CYP24A1: variants seen among roughly 807,000 people sequenced by gnomAD.
CYP24A1 encodes cytochrome P450 family 24 subfamily A member 1.
CYP24A1 carries 68 observed loss-of-function variants against 62.4 expected under a neutral mutation model. That is an observed-to-expected ratio of 1.09 (90% CI 0.90 to 1.33). The LOEUF is 1.33. Ranked by LOEUF, CYP24A1 falls within the 40% of genes most tolerant of loss-of-function variation. The probability of loss-of-function intolerance (pLI) is 0.00; values close to 1 mark genes in which losing one functional copy is unlikely to be tolerated. For missense variants in CYP24A1, 787 were observed against 653.0 expected, an observed-to-expected ratio of 1.21 and a Z score of -2.24; for synonymous variants, 267 against 253.0, an observed-to-expected ratio of 1.06 and a Z score of -0.52.
In CYP24A1 at chr20:54,173,288, G is replaced by T; in HGVS notation, c.258+34C>A. The T allele has an allele frequency of 6.3e-7, 1 of 1,591,448 alleles. No individual in the cohort carries two copies. On this transcript the variant is annotated intron_variant, in intron 1 of 11. Coordinates refer to ENST00000216862, the MANE Select transcript of CYP24A1 (RefSeq NM_000782.5). This position sits in a 1 kb window ranked among gnomAD's most constrained non-coding sequence, Gnocchi z 7.2. ...AGCGCCACTGGGAGGGCGGAAGAGG[G>T]AGGAGAGAGTCAGGGGCGCGAAAAG...
rs1481006239 is a variant in CYP24A1, at chr20:54,172,945, C to T, written c.413G>A (p.Arg138His). ...RLEIKPWKAY[R>H]DYRKEGYGLL... ...CCCGTAGCCTTCTTTGCGGTAGTCGCGATAGGCCTTCCACGGTTTGATCTC... is the reference window on the plus strand; with the variant it reads ...CCCGTAGCCTTCTTTGCGGTAGTCGTGATAGGCCTTCCACGGTTTGATCTC... The change falls in exon 2 of 12, where the codon CGC becomes CAC. Residue 138 changes from arginine (R) to histidine (H), a missense_variant. Transcript: ENST00000216862. 2 of 1,613,782 alleles carry T rather than the reference C, an allele frequency of 1.2e-6. No homozygotes were observed. The highest frequency in any genetic ancestry group is 2.2e-5 in the East Asian group (1 of 44,872).
chr20:54,155,482 C>T (rs983587624), intron 11 of CYP24A1, among the ~76,000 whole-genome samples: 1 of 151,976 alleles, frequency 6.6e-6, no homozygotes. Flanking sequence ...ACTTGCAATC[C>T]CAGCACTTTG....
chr20:54,162,544 A>ACCGTGGTG, intron 7 of CYP24A1, 173 bp downstream of exon 7: 1 of 460,550 alleles, frequency 2.2e-6, no homozygotes, highest in Non-Finnish European at 3.8e-6. Context: ...GCACCGTGGC[A>ACCGTGGTG]TAGATGCTGT....
intron 8 of CYP24A1, among the ~76,000 whole-genome samples, chr20:54,158,455 C>T (rs1197011529): frequency 6.6e-6 from 1 of 152,162 alleles, no homozygotes; most frequent in African/African-American, 2.4e-5. Flanking sequence ...TCCGTGCTAG[C>T]CCTTGAAGCG....
chr20:54,151,280 C>T (rs186808741), downstream of CYP24A1, among the ~76,000 whole-genome samples: 27 of 152,264 alleles, frequency 1.8e-4, 2 homozygotes, highest in Admixed American at 1.6e-3. Context: ...GTAAACTGTC[C>T]TGGCGCTGGT....
At chr20:54,148,731 A>G (rs1357116032), downstream of CYP24A1, among the ~76,000 whole-genome samples, 1 of 152,220 alleles carries the variant, frequency 6.6e-6, no homozygotes, top group South Asian at 2.1e-4. Context: ...CTGAATATCA[A>G]AATGAATAAT....
At position 54,173,457 on chromosome 20, in the gene CYP24A1, C is replaced by A. The variant is rs756875653; in HGVS notation, c.123G>T (p.Val41=). ...TAYTSPQPRE[V]PVCPLTAGGE... The stretch of plus-strand genomic sequence containing the variant: ...CACCAGCTGTCAGCGGGCAGACTGG[C>A]ACCTCTCGCGGCTGAGGGGACGTGT... Residue 41 remains valine, a synonymous_variant, in exon 1 of 12, where the codon GTG becomes GTT. Transcript: ENST00000216862. This position sits in a 1 kb window ranked among gnomAD's most constrained non-coding sequence, Gnocchi z 7.2. 3 of 1,567,328 alleles carry A rather than the reference C, an allele frequency of 1.9e-6. No individual in the cohort carries two copies. In the Admixed American group the frequency reaches 5.7e-5, roughly 30 times the overall value.
chr20:54,152,717 GA>G (rs1000293051), downstream of CYP24A1, among the ~76,000 whole-genome samples: 6 of 152,178 alleles, frequency 3.9e-5, no homozygotes, highest in African/African-American at 1.4e-4. Flanking sequence ...AGGCCTGGGG[GA>G]TCAGTGGGAC....
intron 6 of CYP24A1, among the ~76,000 whole-genome samples, chr20:54,163,451 GTAA>G (rs941768245): frequency 6.6e-6 from 1 of 152,192 alleles, no homozygotes; most frequent in African/African-American, 2.4e-5. Flanking sequence ...TCATTATATG[GTAA>G]TAATCATGCT....
Position 54,162,122 on chromosome 20 carries a change from G to C in CYP24A1, c.990+595C>G, listed in dbSNP as rs375458015. On this transcript the variant is annotated intron_variant, in intron 7 of 11. Coordinates refer to ENST00000216862, the MANE Select transcript of CYP24A1 (RefSeq NM_000782.5). ...AGAATTTTGGTCTTTACAATGAGCTGTTTTGCTTCAGTTAAAATCCACTTG... is the reference window on the plus strand; with the variant it reads ...AGAATTTTGGTCTTTACAATGAGCTCTTTTGCTTCAGTTAAAATCCACTTG... 1.4e-4 allele frequency among the ~76,000 whole-genome samples: 20 copies of C among 145,928 alleles called. No homozygotes were observed. The South Asian group carries it at 4.1e-3, about 30-fold the overall frequency.
chr20:54,147,592 A>T, the CYP24A1 span, among the ~76,000 whole-genome samples: 93 of 152,314 alleles, frequency 6.1e-4, no homozygotes, highest in Non-Finnish European at 1.5e-4. Flanking sequence ...ACAACTGTTA[A>T]ATGTTAGTAA....
chr20:54,168,019 A>G (rs1017410475), intron 4 of CYP24A1, among the ~76,000 whole-genome samples: 2 of 152,160 alleles, frequency 1.3e-5, no homozygotes, highest in Admixed American at 6.5e-5. Flanking sequence ...GCCCTCTGCC[A>G]GCCTCTGTTA....
Position 54,164,565 on chromosome 20 carries a change from T to G in CYP24A1, c.733-2A>C. 6.2e-7 allele frequency: 1 copy of G among 1,614,216 alleles called. No homozygotes were observed. Among genetic ancestry groups the G allele is most frequent in the Non-Finnish European group, 8.5e-7 (1 of 1,180,030 alleles). ...CATCCTCCCAAACGTGCTCATCATCTGAGAGAAATGCAAATGCCTTTTTAT... is the reference window on the plus strand; with the variant it reads ...CATCCTCCCAAACGTGCTCATCATCGGAGAGAAATGCAAATGCCTTTTTAT... On this transcript the variant is annotated splice_acceptor_variant, in intron 5 of 11. Transcript: ENST00000216862. LOFTEE classifies it high-confidence loss of function.
chr20:54,173,260 T>G lies in CYP24A1; in HGVS notation c.258+62A>C. On this transcript the variant is annotated intron_variant, in intron 1 of 11. Transcript: ENST00000216862. This position sits in a 1 kb window ranked among gnomAD's most constrained non-coding sequence, Gnocchi z 7.2. ...CGAGGCGCGCATGTCGGGGAGGGTT[T>G]GGAGCGCCACTGGGAGGGCGGAAGA... 1 of 1,550,560 alleles carries G rather than the reference T, an allele frequency of 6.4e-7. No homozygotes were observed. The highest frequency in any genetic ancestry group is 8.9e-7 in the Non-Finnish European group (1 of 1,127,046).
chr20:54,144,121 A>G, the CYP24A1 span, among the ~76,000 whole-genome samples: 4 of 152,092 alleles, frequency 2.6e-5, no homozygotes, highest in African/African-American at 7.2e-5. Flanking sequence ...TGGCGGCCCC[A>G]TGCTTAGAAG....
In CYP24A1 at chr20:54,153,818, C is replaced by A. The variant is rs1243290816; in HGVS notation, c.*954G>T. On this transcript the variant is annotated 3_prime_UTR_variant, in exon 12 of 12. Coordinates refer to ENST00000216862, the MANE Select transcript of CYP24A1 (RefSeq NM_000782.5). ...ATATTTTTCCTAGGAGTTCAAATCA[C>A]AAAACAAATGTTATATAACAGATCT... 2.6e-5 allele frequency: 4 copies of A among 152,698 alleles called. No homozygotes were observed. The highest frequency in any genetic ancestry group is 2.6e-4 in the Admixed American group (4 of 15,296). 9.5% of individuals were successfully genotyped at this position (152,698 alleles called of 1,614,324 possible).
chr20:54,172,737 A>C, intron 2 of CYP24A1, 172 bp downstream of exon 2: 1 of 1,443,294 alleles, frequency 6.9e-7, no homozygotes, highest in Non-Finnish European at 9.2e-7. Context: ...GACCGACTCT[A>C]ATCTGTACAA....
chr20:54,163,827 C>A (rs2092661381), intron 6 of CYP24A1, among the ~76,000 whole-genome samples: 1 of 152,104 alleles, frequency 6.6e-6, no homozygotes, highest in South Asian at 2.1e-4. Flanking sequence ...ATTATTAGTC[C>A]ATTTTAGAGA....
In CYP24A1 at chr20:54,173,111, C is replaced by A. The variant is rs755422926; in HGVS notation, c.259-12G>T. 6.2e-7 allele frequency: 1 copy of A among 1,601,220 alleles called. No homozygotes were observed. Among genetic ancestry groups the A allele is most frequent in the Admixed American group, 1.7e-5 (1 of 60,026 alleles). ...TTGTGGTACTCCACCTGCAGCCGGCCGGGCACAGCGCGGTGTCAGCGCGCA... is the reference window on the plus strand; with the variant it reads ...TTGTGGTACTCCACCTGCAGCCGGCAGGGCACAGCGCGGTGTCAGCGCGCA... On this transcript the variant is annotated splice_polypyrimidine_tract_variant and intron_variant, in intron 1 of 11. Transcript: ENST00000216862. This position sits in a 1 kb window ranked among gnomAD's most constrained non-coding sequence, Gnocchi z 7.2.
Sources: gnomAD v4.1 joint callset for allele counts (sites outside exome capture counted in the v4.1 genomes callset) on GRCh38, gnomAD v4.1.1 for gene constraint, Gnocchi (gnomAD v3.1) non-coding constraint, MANE v1.5 for transcripts, NCBI Gene and HGNC (gene_info 2026-07-23, HGNC 2026-07-21) for gene names.